MTREX: variants seen among roughly 807,000 people sequenced by gnomAD.
The protein encoded by MTREX is exosome RNA helicase MTR4.
Under a neutral mutation model 135.4 loss-of-function variants are expected in MTREX, and 76 were observed. That is an observed-to-expected ratio of 0.56 (90% CI 0.47 to 0.68). MTREX has a LOEUF of 0.68. Among genes scored for constraint, MTREX ranks in the 30% least tolerant of loss-of-function variants. The pLI is 0.00. For synonymous variants in MTREX, 404 were observed against 401.6 expected, an observed-to-expected ratio of 1.01 and a Z score of -0.07; for missense variants, 920 against 1,262.1, an observed-to-expected ratio of 0.73 and a Z score of 4.11.
intron 15 of MTREX, among the ~76,000 whole-genome samples, chr5:55,362,652 C>T (rs55820716): frequency 5.9e-5 from 9 of 152,264 alleles, no homozygotes; most frequent in South Asian, 4.1e-4. Context: ...TGAGCCACCA[C>T]GCCCAGCCAA....
intron 20 of MTREX, 21 bp from the exon 21 acceptor site, chr5:55,400,211 GA>G (rs772305553): frequency 2.0e-6 from 3 of 1,525,680 alleles, no homozygotes; most frequent in Non-Finnish European, 2.7e-6. Flanking sequence ...AGATGAAAAT[GA>G]ATTTTACATA....
At chr5:55,409,777 A>G (rs1363833326) in intron 22 of MTREX, among the ~76,000 whole-genome samples, 1 of 152,256 alleles carries the variant, frequency 6.6e-6, no homozygotes, top group African/African-American at 2.4e-5. Flanking sequence ...TTAGAGATGT[A>G]CTTGAAATCT....
intron 5 of MTREX, among the ~76,000 whole-genome samples, chr5:55,330,132 G>A (rs1749448546): frequency 6.6e-6 from 1 of 151,996 alleles, no homozygotes; most frequent in Admixed American, 6.6e-5. Context: ...AGGTTGGAGT[G>A]CAGTGGCACA....
At position 55,414,250 on chromosome 5, in the gene MTREX, T is replaced by C. The variant is rs748200450; in HGVS notation, c.2808+12T>C. ...TTCGTCAAATGCAGGTAAGGTTTTTTTTTTTTTTTTTTGAACTACATATTT... is the reference window on the plus strand; with the variant it reads ...TTCGTCAAATGCAGGTAAGGTTTTTCTTTTTTTTTTTTGAACTACATATTT... On this transcript the variant is annotated intron_variant, in intron 24 of 26. Coordinates refer to ENST00000230640, the MANE Select transcript of MTREX (RefSeq NM_015360.5). 15 of 1,558,396 alleles carry C rather than the reference T, an allele frequency of 9.6e-6. No homozygotes were observed. The highest frequency in any genetic ancestry group is 1.3e-5 in the Non-Finnish European group (15 of 1,161,480).
At chr5:55,327,205 A>G (rs1406058802) in intron 3 of MTREX, among the ~76,000 whole-genome samples, 1 of 152,230 alleles carries the variant, frequency 6.6e-6, no homozygotes, top group Non-Finnish European at 1.5e-5. Context: ...TCCTTTGGGT[A>G]TATACCCAGT....
In MTREX at chr5:55,353,251, T is replaced by C. The variant is rs189223499; in HGVS notation, c.1515T>C (p.Asp505=). Residue 505 remains aspartate, a synonymous_variant, in exon 14 of 27, where the codon GAT becomes GAC. Coordinates refer to ENST00000230640, the MANE Select transcript of MTREX (RefSeq NM_015360.5). ...TATTTACAAATGCCCGCAAATTTGATGGGAAGGATTTCCGATGGGTAAGTA... is the reference window on the plus strand; with the variant it reads ...TATTTACAAATGCCCGCAAATTTGACGGGAAGGATTTCCGATGGGTAAGTA... The part of the protein sequence containing the change: ...TVLFTNARKF[D]GKDFRWISSG... The C allele has an allele frequency of 6.2e-4, 997 of 1,609,366 alleles. 18 individuals are homozygous for C. In the East Asian group the frequency reaches 0.016, roughly 26 times the overall value.
chr5:55,373,781 G>C (rs1750245933), intron 16 of MTREX, among the ~76,000 whole-genome samples: 1 of 151,756 alleles, frequency 6.6e-6, no homozygotes, highest in Non-Finnish European at 1.5e-5. Context: ...GGGGGTAGGG[G>C]TGGGGGCAGT....
rs1251160945 is a variant in MTREX, at chr5:55,378,447, A to G, written c.1944A>G (p.Lys648=). 3 of 1,611,384 alleles carry G rather than the reference A, an allele frequency of 1.9e-6. No individual in the cohort carries two copies. Among genetic ancestry groups the G allele is most frequent in the South Asian group, 2.2e-5 (2 of 90,142 alleles). The part of the protein sequence containing the change: ...KEIEEYIHKP[K]YCLPFLQPGR... ...TTGAAGAATATATTCACAAACCAAA[A>G]TACTGCTTACCTTTTCTACAACCAG... is the stretch of plus-strand genomic sequence containing the variant. Residue 648 remains lysine (K), a synonymous_variant, in exon 17 of 27, where the codon AAA becomes AAG. Coordinates refer to ENST00000230640, the MANE Select transcript of MTREX (RefSeq NM_015360.5).
intron 1 of MTREX, among the ~76,000 whole-genome samples, chr5:55,316,682 G>C (rs1749203626): frequency 6.6e-6 from 1 of 152,078 alleles, no homozygotes; most frequent in East Asian, 1.9e-4. Context: ...ACATTATACT[G>C]AAAAAGTGAA....
At chr5:55,348,472 T>G (rs1317813038) in intron 11 of MTREX, among the ~76,000 whole-genome samples, 1 of 152,212 alleles carries the variant, frequency 6.6e-6, no homozygotes. Flanking sequence ...AACCCGATTA[T>G]CTTTCAACTC....
chr5:55,309,996 A>C (rs1317437088), intron 1 of MTREX, among the ~76,000 whole-genome samples: 1 of 152,216 alleles, frequency 6.6e-6, no homozygotes, highest in Non-Finnish European at 1.5e-5. Context: ...ATTTCTTTCA[A>C]GACAGGAAGT....
At chr5:55,382,089 GT>G (rs1026171394) in intron 18 of MTREX, among the ~76,000 whole-genome samples, 5 of 151,234 alleles carry the variant, frequency 3.3e-5, no homozygotes, top group Non-Finnish European at 5.9e-5. Context: ...GTTGGATTTT[GT>G]TTTTTTTAAT....
chr5:55,350,982 A>G lies in MTREX; in HGVS notation c.1384A>G (p.Ile462Val). The part of the protein sequence containing the change: ...IGIHHGGLLP[I>V]LKETIEILFS... Reference sequence around the variant, plus strand: ...TATTCACCATGGTGGTTTACTTCCTATTTTGAAAGAAACTATAGAAATTCT... The same window carrying G: ...TATTCACCATGGTGGTTTACTTCCTGTTTTGAAAGAAACTATAGAAATTCT... The change falls in exon 13 of 27, where the codon ATT (isoleucine) becomes GTT (valine). Residue 462 changes from isoleucine to valine, a missense_variant. Transcript: ENST00000230640. 6.2e-7 allele frequency: 1 copy of G among 1,606,680 alleles called. No individual in the cohort carries two copies. The highest frequency in any genetic ancestry group is 8.5e-7 in the Non-Finnish European group (1 of 1,178,186).
At chr5:55,388,125 T>C (rs552723587) in intron 19 of MTREX, 23 bp downstream of exon 19, 1 of 1,578,282 alleles carries the variant, frequency 6.3e-7, no homozygotes, top group South Asian at 1.1e-5. Flanking sequence ...CTTTCTGTCT[T>C]CTGATTTCAG....
intron 5 of MTREX, among the ~76,000 whole-genome samples, chr5:55,335,960 C>G (rs1749547086): frequency 6.6e-6 from 1 of 152,040 alleles, no homozygotes; most frequent in African/African-American, 2.4e-5. Context: ...GTGTATAGGT[C>G]TTATACGTGT....
chr5:55,338,681 T>C (rs895506102), intron 5 of MTREX, among the ~76,000 whole-genome samples: 1 of 151,662 alleles, frequency 6.6e-6, no homozygotes, highest in African/African-American at 2.4e-5. Flanking sequence ...TGATAATTTC[T>C]CTCAATTTAT....
intron 15 of MTREX, among the ~76,000 whole-genome samples, chr5:55,364,479 A>C (rs114043417): frequency 0.013 from 1,967 of 152,300 alleles, 53 homozygotes; most frequent in African/African-American, 0.045. Flanking sequence ...ATTTGGTATA[A>C]ACTATGAAAC....
At chr5:55,314,150 G>A (rs1333801692) in intron 1 of MTREX, among the ~76,000 whole-genome samples, 1 of 152,186 alleles carries the variant, frequency 6.6e-6, no homozygotes, top group African/African-American at 2.4e-5. Context: ...CTTTGGAATA[G>A]ATTCCTAGAA....
intron 22 of MTREX, among the ~76,000 whole-genome samples, chr5:55,406,380 C>G (rs1750806256): frequency 6.6e-6 from 1 of 152,192 alleles, no homozygotes; most frequent in Non-Finnish European, 1.5e-5. Context: ...CATGTGGTCT[C>G]TCCATGTGGG....
Sources: gnomAD v4.1 joint callset for allele counts (sites outside exome capture counted in the v4.1 genomes callset) on GRCh38, gnomAD v4.1.1 for gene constraint, MANE v1.5 for transcripts, NCBI Gene and HGNC (gene_info 2026-07-23, HGNC 2026-07-21) for gene names.